PDLIM5: variants seen among roughly 807,000 people sequenced by gnomAD.
PDLIM5 encodes PDZ and LIM domain 5.
Under a neutral mutation model 64.2 loss-of-function variants are expected in PDLIM5, and 34 were observed. The observed-to-expected ratio is 0.53, with a 90% CI of 0.40 to 0.71. The LOEUF (loss-of-function observed/expected upper bound fraction) is 0.71. PDLIM5 is among the 30% of genes least tolerant of loss of function. PDLIM5 has a pLI of 0.00. For missense variants in PDLIM5, 683 were observed against 733.6 expected (o/e 0.93, Z 0.80); for synonymous variants, 253 against 269.1 (o/e 0.94, Z 0.59).
At chr4:94,572,290 A>G (rs1007338753) in intron 3 of PDLIM5, among the ~76,000 whole-genome samples, 1 of 152,204 alleles carries the variant, frequency 6.6e-6, no homozygotes, top group Non-Finnish European at 1.5e-5. Context: ...TAAACATAAC[A>G]TATACCTTAA....
intron 3 of PDLIM5, among the ~76,000 whole-genome samples, chr4:94,563,175 C>T (rs1733990523): frequency 6.6e-6 from 1 of 151,962 alleles, no homozygotes; most frequent in Non-Finnish European, 1.5e-5. Flanking sequence ...TTTTAAGTTC[C>T]TATTTTTAGA....
intron 3 of PDLIM5, among the ~76,000 whole-genome samples, chr4:94,534,316 T>C (rs1441989932): frequency 6.6e-6 from 1 of 152,246 alleles, no homozygotes; most frequent in East Asian, 1.9e-4. Context: ...AACATGTTTT[T>C]CTGATACTTT....
At chr4:94,462,676 A>G (rs1724008990) in intron 2 of PDLIM5, among the ~76,000 whole-genome samples, 1 of 152,176 alleles carries the variant, frequency 6.6e-6, no homozygotes, top group South Asian at 2.1e-4. Context: ...TGTCACATAA[A>G]TTCCTAGAAA....
chr4:94,628,992 C>T (rs17397084), intron 8 of PDLIM5, among the ~76,000 whole-genome samples: 3,208 of 151,822 alleles, frequency 0.021, 52 homozygotes, highest in Non-Finnish European at 0.028. Flanking sequence ...TGGCCTCCTA[C>T]AATAAAAGCA....
At chr4:94,659,486 A>ATGTGTG (rs1400183342) in intron 11 of PDLIM5, among the ~76,000 whole-genome samples, 17 of 113,416 alleles carry the variant, frequency 1.5e-4, no homozygotes, top group African/African-American at 6.0e-4. Flanking sequence ...TGTAGTATAT[A>ATGTGTG]TGTGTGTATG....
intron 2 of PDLIM5, chr4:94,455,702 T>C (rs1723278042): frequency 1.6e-6 from 2 of 1,274,656 alleles, no homozygotes; most frequent in African/African-American, 1.5e-5. Flanking sequence ...CTTTCATATA[T>C]AATTTTCAAA....
chr4:94,455,827 C>G lies in PDLIM5; in HGVS notation c.96+443C>G, dbSNP rs1186650794. 2.7e-6 allele frequency: 4 copies of G among 1,466,602 alleles called. No homozygotes were observed. In the East Asian group the frequency reaches 7.4e-5, roughly 27 times the overall value. 90.8% of individuals were successfully genotyped at this position (1,466,602 alleles called of 1,614,324 possible). A position where few individuals can be genotyped will look rare whatever the true frequency, so the allele number is the denominator to read the frequency against. On this transcript the variant is annotated intron_variant, in intron 2 of 12. Transcript: ENST00000317968. ...CGGAATTATTTCCTCAGCTCACTTT[C>G]TGGTGGAGGTGATAGCCAACAGTAA...
chr4:94,538,336 A>G (rs1306986264), intron 3 of PDLIM5, among the ~76,000 whole-genome samples: 2 of 152,208 alleles, frequency 1.3e-5, no homozygotes, highest in Non-Finnish European at 2.9e-5. Flanking sequence ...TAGAGTTTGA[A>G]GCAACTCCAG....
At chr4:94,461,088 C>T (rs1723837768) in intron 2 of PDLIM5, among the ~76,000 whole-genome samples, 1 of 152,122 alleles carries the variant, frequency 6.6e-6, no homozygotes, top group African/African-American at 2.4e-5. Flanking sequence ...TCTTTTTCCC[C>T]CAGTTACAAC....
chr4:94,519,546 A>G (rs1391098056), intron 2 of PDLIM5, among the ~76,000 whole-genome samples: 1 of 152,190 alleles, frequency 6.6e-6, no homozygotes, highest in Non-Finnish European at 1.5e-5. Context: ...TTATTGTTGT[A>G]TGGACATAGA....
intron 3 of PDLIM5, among the ~76,000 whole-genome samples, chr4:94,566,035 A>G (rs992180899): frequency 1.3e-5 from 2 of 152,210 alleles, no homozygotes; most frequent in Non-Finnish European, 2.9e-5. Flanking sequence ...AATAGAAAGT[A>G]GTTATTCATT....
At chr4:94,650,120 T>C (rs1413900323) in intron 9 of PDLIM5, among the ~76,000 whole-genome samples, 1 of 152,196 alleles carries the variant, frequency 6.6e-6, no homozygotes, top group Non-Finnish European at 1.5e-5. Context: ...TGTTTCCAAA[T>C]TTTAGGAAGG....
intron 7 of PDLIM5, among the ~76,000 whole-genome samples, chr4:94,589,438 G>T (rs1736499791): frequency 6.6e-6 from 1 of 152,166 alleles, no homozygotes; most frequent in African/African-American, 2.4e-5. Context: ...TGAGTGTGAG[G>T]ATAAATATTC....
intron 2 of PDLIM5, 81 bp from the exon 3 acceptor site, chr4:94,523,642 TA>T: frequency 7.9e-6 from 8 of 1,011,188 alleles, no homozygotes; most frequent in Non-Finnish European, 1.2e-5. Context: ...ATACTTTTGG[TA>T]TAAGCAAAAG....
intron 7 of PDLIM5, chr4:94,588,196 G>C (rs1736395573): frequency 1.0e-6 from 1 of 965,470 alleles, no homozygotes; most frequent in South Asian, 4.8e-5. Context: ...AGTATAACTG[G>C]GTAAAATAAA....
At chr4:94,623,313 A>G (rs1277457958) in intron 8 of PDLIM5, among the ~76,000 whole-genome samples, 2 of 152,140 alleles carry the variant, frequency 1.3e-5, no homozygotes, top group African/African-American at 4.8e-5. Context: ...ACTGAAGTTC[A>G]TGAGTTCATA....
intron 2 of PDLIM5, among the ~76,000 whole-genome samples, chr4:94,497,950 A>G (rs1727552646): frequency 6.6e-6 from 1 of 151,992 alleles, no homozygotes; most frequent in African/African-American, 2.4e-5. Context: ...GGGAAGTTTT[A>G]ACTTGTTCTG....
intron 2 of PDLIM5, among the ~76,000 whole-genome samples, chr4:94,476,409 A>C (rs1725326875): frequency 6.6e-6 from 1 of 152,130 alleles, no homozygotes; most frequent in African/African-American, 2.4e-5. Context: ...ATAAATTTAC[A>C]TTTTGATTAT....
intron 2 of PDLIM5, among the ~76,000 whole-genome samples, chr4:94,490,519 G>A (rs1056685966): frequency 1.3e-5 from 2 of 152,108 alleles, no homozygotes; most frequent in Admixed American, 6.5e-5. Flanking sequence ...TTGGTGACTC[G>A]AAGGACTTGA....
Sources: allele counts gnomAD v4.1 joint callset (sites outside exome capture counted in the v4.1 genomes callset), GRCh38; gene constraint gnomAD v4.1.1; transcripts MANE v1.5; gene names NCBI Gene and HGNC (gene_info 2026-07-23, HGNC 2026-07-21).